Variants in DNAI4 observed in about 807,000 individuals in gnomAD.
The protein encoded by DNAI4 is WD repeat domain 78.
In DNAI4, 85 loss-of-function variants were observed where a neutral mutation model predicts 105.8. The observed-to-expected ratio is 0.80, with a 90% CI of 0.67 to 0.96. The LOEUF (loss-of-function observed/expected upper bound fraction) is 0.96. DNAI4 is among the 40% of genes least tolerant of loss of function. DNAI4 has a pLI of 0.00. For missense variants in DNAI4, 1,014 were observed against 1,005.6 expected (o/e 1.01, Z -0.11); for synonymous variants, 352 against 331.5 (o/e 1.06, Z -0.67).
At chr1:66,860,757 C>T (rs369986032) in intron 7 of DNAI4, 1 of 152,002 alleles carries the variant, frequency 6.6e-6, no homozygotes, top group Non-Finnish European at 1.5e-5. Flanking sequence ...TGGAAAAGAT[C>T]GATCTAATAT....
intron 4 of DNAI4, among the ~76,000 whole-genome samples, chr1:66,876,819 A>T (rs566983486): frequency 1.3e-5 from 2 of 152,154 alleles, no homozygotes; most frequent in South Asian, 4.2e-4. Context: ...TGGAGGGAAC[A>T]TCTACACTCC....
At chr1:66,816,018 C>T (rs1325481483) in intron 16 of DNAI4, among the ~76,000 whole-genome samples, 1 of 152,082 alleles carries the variant, frequency 6.6e-6, no homozygotes, top group East Asian at 1.9e-4. Flanking sequence ...CACTTAATAC[C>T]TCCAGAGGGC....
intron 7 of DNAI4, 68 bp from the exon 8 acceptor site, chr1:66,847,746 TA>T (rs1557921700): frequency 8.1e-7 from 1 of 1,228,072 alleles, no homozygotes; most frequent in Non-Finnish European, 1.1e-6. Context: ...CTAAAGATTT[TA>T]AAAATGACAT....
intron 16 of DNAI4, among the ~76,000 whole-genome samples, 197 bp from the exon 17 acceptor site, chr1:66,814,377 C>CTT (rs375603145): frequency 1.3e-5 from 2 of 148,738 alleles, no homozygotes; most frequent in African/African-American, 2.5e-5. Flanking sequence ...ATGAAAGGCT[C>CTT]TTTTTTTTTT....
chr1:66,834,874 T>C (rs1447955727), intron 11 of DNAI4, among the ~76,000 whole-genome samples: 1 of 152,180 alleles, frequency 6.6e-6, no homozygotes, highest in East Asian at 1.9e-4. Context: ...CAAAGGCCTA[T>C]GCTTACAAAA....
At chr1:66,913,404 T>C (rs191066433) in intron 1 of DNAI4, among the ~76,000 whole-genome samples, 1 of 152,328 alleles carries the variant, frequency 6.6e-6, no homozygotes, top group Admixed American at 6.5e-5. Context: ...TTTGTCTGTG[T>C]GCATTTGGAT....
In DNAI4 at chr1:66,904,201, T is replaced by C. The variant is rs190432197; in HGVS notation, c.345+1000A>G. ...ATGAACATTCATGTAGTAGTGTTTA[T>C]ATAAACTTATGCTTTCTTTTCTCTT... On this transcript the variant is annotated intron_variant, in intron 2 of 16. Coordinates refer to ENST00000371026, the MANE Select transcript of DNAI4 (RefSeq NM_024763.5). 1.7e-3 allele frequency among the ~76,000 whole-genome samples: 252 copies of C among 152,304 alleles called. 2 individuals carry two copies. The highest frequency in any genetic ancestry group is 2.3e-3 in the Non-Finnish European group (157 of 68,002).
chr1:66,873,941 T>C (rs148003490), intron 5 of DNAI4, among the ~76,000 whole-genome samples: 1,609 of 150,854 alleles, frequency 0.011, 32 homozygotes, highest in African/African-American at 0.036. Context: ...ATCTAACATG[T>C]ACTATGTTTT....
chr1:66,899,670 T>C (rs961639546), intron 2 of DNAI4, among the ~76,000 whole-genome samples: 7 of 152,232 alleles, frequency 4.6e-5, no homozygotes, highest in African/African-American at 1.7e-4. Context: ...CTTACCCCTA[T>C]GTTTTCTTCT....
At chr1:66,827,191 A>C in intron 14 of DNAI4, 145 bp from the exon 15 acceptor site, 1 of 653,898 alleles carries the variant, frequency 1.5e-6, no homozygotes, top group Non-Finnish European at 2.5e-6. Flanking sequence ...GAATAAGATC[A>C]CAGATTGAAT....
intron 8 of DNAI4, among the ~76,000 whole-genome samples, chr1:66,843,471 A>G (rs1646198175): frequency 6.6e-6 from 1 of 152,162 alleles, no homozygotes; most frequent in African/African-American, 2.4e-5. Flanking sequence ...TATTATCTTC[A>G]GTATGTGACT....
At chr1:66,833,434 G>A (rs898189291) in intron 13 of DNAI4, 151 bp downstream of exon 13, 6 of 878,126 alleles carry the variant, frequency 6.8e-6, no homozygotes, top group Non-Finnish European at 6.6e-6. Context: ...GCATCCCCTA[G>A]CCCAGGCAAT....
At chr1:66,816,435 T>G (rs1645516899) in intron 16 of DNAI4, among the ~76,000 whole-genome samples, 1 of 152,116 alleles carries the variant, frequency 6.6e-6, no homozygotes, top group Non-Finnish European at 1.5e-5. Flanking sequence ...ACAAGATATC[T>G]TGGTAGGAAA....
chr1:66,900,501 C>T (rs559738967), intron 2 of DNAI4, among the ~76,000 whole-genome samples: 75 of 152,264 alleles, frequency 4.9e-4, no homozygotes, highest in Admixed American at 2.4e-3. Flanking sequence ...GGGAGTATAA[C>T]GATCTTAACA....
intron 6 of DNAI4, among the ~76,000 whole-genome samples, chr1:66,862,571 T>C (rs1415266127): frequency 2.6e-5 from 4 of 152,022 alleles, no homozygotes; most frequent in Non-Finnish European, 5.9e-5. Flanking sequence ...TTTAAAGAAA[T>C]TAAAAATTAA....
intron 1 of DNAI4, among the ~76,000 whole-genome samples, chr1:66,912,608 C>G (rs1649744605): frequency 6.6e-6 from 1 of 152,184 alleles, no homozygotes; most frequent in Non-Finnish European, 1.5e-5. Context: ...AATGATGTCT[C>G]ATGCCTCCCG....
intron 16 of DNAI4, among the ~76,000 whole-genome samples, chr1:66,818,596 T>A (rs1056129540): frequency 1.3e-5 from 2 of 152,152 alleles, no homozygotes; most frequent in Non-Finnish European, 2.9e-5. Context: ...TTTGTACATA[T>A]AAAGGCTACT....
chr1:66,846,838 AT>A (rs1646286503), intron 8 of DNAI4, among the ~76,000 whole-genome samples: 1 of 152,192 alleles, frequency 6.6e-6, no homozygotes. Context: ...TCATTCATGT[AT>A]TTTTTAATAC....
intron 2 of DNAI4, among the ~76,000 whole-genome samples, chr1:66,904,545 C>T (rs1242391616): frequency 7.2e-5 from 11 of 152,174 alleles, no homozygotes; most frequent in Admixed American, 7.2e-4. Flanking sequence ...CTCAATATTG[C>T]TTTGAAGGTT....
Sources: allele counts gnomAD v4.1 joint callset (sites outside exome capture counted in the v4.1 genomes callset), GRCh38; gene constraint gnomAD v4.1.1; transcripts MANE v1.5; gene names NCBI Gene and HGNC (gene_info 2026-07-23, HGNC 2026-07-21).